The following LYZL2 variants were observed in gnomAD, a reference collection of about 807,000 sequenced individuals.
LYZL2 encodes lysozyme like 2.
Under a neutral mutation model 17.1 loss-of-function variants are expected in LYZL2, and 13 were observed. The observed-to-expected ratio is 0.76, with a 90% CI of 0.49 to 1.21. The LOEUF (loss-of-function observed/expected upper bound fraction) is 1.21, where lower values mean the gene tolerates loss of function less well. LYZL2 is among the 50% of genes most tolerant of loss of function. LYZL2 has a pLI of 0.00. For synonymous variants in LYZL2, 63 were observed against 74.4 expected, an observed-to-expected ratio of 0.85 and a Z score of 0.79; for missense variants, 166 against 189.2, an observed-to-expected ratio of 0.88 and a Z score of 0.72.
intron 1 of LYZL2, among the ~76,000 whole-genome samples, chr10:30,627,846 C>G (rs548270232): frequency 3.7e-4 from 57 of 152,280 alleles, no homozygotes; most frequent in African/African-American, 1.3e-3. Context: ...TACACGTGGA[C>G]CTGAATGGAA....
intron 3 of LYZL2, among the ~76,000 whole-genome samples, chr10:30,624,279 G>A (rs756011260): frequency 5.3e-5 from 8 of 152,146 alleles, no homozygotes; most frequent in Non-Finnish European, 1.2e-4. Flanking sequence ...GCATCAGCAG[G>A]GAAGGGACAG....
intron 1 of LYZL2, among the ~76,000 whole-genome samples, chr10:30,629,200 C>G (rs1001890607): frequency 1.1e-4 from 17 of 152,228 alleles, no homozygotes; most frequent in African/African-American, 3.9e-4. Flanking sequence ...TGAGACCAGC[C>G]TGGGCAACAA....
rs767854354 is a variant in LYZL2, at chr10:30,626,355, C to T, written c.140-92G>A. 1.9e-4 allele frequency: 290 copies of T among 1,551,410 alleles called. 3 individuals carry two copies. The highest frequency in any genetic ancestry group is 2.0e-4 in the Non-Finnish European group (227 of 1,147,990). On this transcript the variant is annotated intron_variant, in intron 2 of 4. Transcript: ENST00000647634. ...GGGCAAGTTTCCTCATCCCTGTTAC[C>T]TGACTGCTTCCTCCCAATACACCTT...
intron 3 of LYZL2, among the ~76,000 whole-genome samples, chr10:30,619,792 C>T (rs1427480759): frequency 1.3e-5 from 2 of 151,280 alleles, no homozygotes; most frequent in East Asian, 1.9e-4. Context: ...CAAAGTTGCA[C>T]GTTGTGTACA....
chr10:30,625,915 C>A (rs1490708929), intron 3 of LYZL2, among the ~76,000 whole-genome samples, 190 bp downstream of exon 3: 2 of 152,222 alleles, frequency 1.3e-5, no homozygotes, highest in Non-Finnish European at 2.9e-5. Flanking sequence ...AATAAGTCAT[C>A]TTTGGACAAG....
At position 30,611,995 on chromosome 10, in the gene LYZL2, C is replaced by G; in HGVS notation, c.407G>C (p.Arg136Thr). ...GTCTTTTTTCCAGTCGGACAGGTCTCTCCCCTCACAGTGTTTCTTCCAGCC... is the reference window on the plus strand; with the variant it reads ...GTCTTTTTTCCAGTCGGACAGGTCTGTCCCCTCACAGTGTTTCTTCCAGCC... ...WQGWKKHCEG[R>T]DLSDWKKDCE... The change falls in exon 5 of 5, where the codon AGA (arginine) becomes ACA (threonine). Residue 136 changes from arginine to threonine, a missense_variant. Around this residue, in one of 2 missense-constraint regions of LYZL2, gnomAD observed 134 missense variants for 129.4 expected, o/e 1.04. Coordinates refer to ENST00000647634, the MANE Select transcript of LYZL2 (RefSeq NM_183058.3). The G allele has an allele frequency of 2.5e-6, 4 of 1,614,192 alleles. No individual in the cohort carries two copies. Among genetic ancestry groups the G allele is most frequent in the African/African-American group, 2.7e-5 (2 of 75,030 alleles).
intron 3 of LYZL2, among the ~76,000 whole-genome samples, chr10:30,625,319 CCTT>C (rs1183816177): frequency 2.0e-5 from 3 of 152,128 alleles, no homozygotes; most frequent in Non-Finnish European, 2.9e-5. Context: ...AAGATTCTCT[CCTT>C]CTAAGGACTC....
downstream of LYZL2, among the ~76,000 whole-genome samples, chr10:30,608,640 T>A (rs370695494): frequency 7.7e-4 from 118 of 152,322 alleles, 1 homozygote; most frequent in South Asian, 0.011. Flanking sequence ...GGGCGATAGT[T>A]ACCCCTTCCG....
At chr10:30,608,480 C>T (rs1394586110), downstream of LYZL2, among the ~76,000 whole-genome samples, 1 of 152,168 alleles carries the variant, frequency 6.6e-6, no homozygotes, top group Non-Finnish European at 1.5e-5. Context: ...ATTTGAGACA[C>T]TCAAGGAAGT....
chr10:30,611,729 A>G (rs1024441955), downstream of LYZL2: 2 of 513,446 alleles, frequency 3.9e-6, no homozygotes, highest in Admixed American at 4.5e-5. Flanking sequence ...AAAGAAAAGA[A>G]AAGAAAGGAA....
intron 3 of LYZL2, among the ~76,000 whole-genome samples, 193 bp from the exon 4 acceptor site, chr10:30,613,093 A>G (rs1377774977): frequency 6.6e-6 from 1 of 152,180 alleles, no homozygotes; most frequent in Non-Finnish European, 1.5e-5. Context: ...TTGTTTTAAG[A>G]CCATCTTCAT....
At chr10:30,619,454 T>G in intron 3 of LYZL2, among the ~76,000 whole-genome samples, 1 of 152,044 alleles carries the variant, frequency 6.6e-6, no homozygotes, top group East Asian at 1.9e-4. Context: ...TAGACTGGAT[T>G]AAGAAAATGT....
At chr10:30,625,270 G>A (rs1447064045) in intron 3 of LYZL2, among the ~76,000 whole-genome samples, 1 of 152,166 alleles carries the variant, frequency 6.6e-6, no homozygotes, top group Non-Finnish European at 1.5e-5. Flanking sequence ...TCCTTTCTAA[G>A]TGAATTCAAT....
In LYZL2 at chr10:30,626,826, T is replaced by C. The variant is rs1391243497; in HGVS notation, c.90A>G (p.Ile30Met). 3 of 1,614,242 alleles carry C rather than the reference T, an allele frequency of 1.9e-6. No individual in the cohort carries two copies. Among genetic ancestry groups the C allele is most frequent in the Middle Eastern group, 3.3e-4 (2 of 6,062 alleles). Residue 30 changes from isoleucine (I) to methionine (M), a missense_variant, in exon 2 of 5, where the codon ATA (isoleucine) becomes ATG (methionine). Transcript: ENST00000647634. Reference sequence around the variant, plus strand: ...AATTGTCCAGGCCAGCCCTCGAGAATATTTTTGCCAGTTTGCAACGAGTGT... The same window carrying C: ...AATTGTCCAGGCCAGCCCTCGAGAACATTTTTGCCAGTTTGCAACGAGTGT... ...KIYTRCKLAK[I>M]FSRAGLDNYW...
At chr10:30,619,778 G>T (rs1838591605) in intron 3 of LYZL2, among the ~76,000 whole-genome samples, 1 of 151,880 alleles carries the variant, frequency 6.6e-6, no homozygotes, top group Non-Finnish European at 1.5e-5. Flanking sequence ...GTATACATAT[G>T]TAACAAAGTT....
intron 3 of LYZL2, among the ~76,000 whole-genome samples, chr10:30,613,575 T>G (rs191082734): frequency 6.6e-6 from 1 of 152,290 alleles, no homozygotes; most frequent in Non-Finnish European, 1.5e-5. Flanking sequence ...GTGTAAGGTT[T>G]CTTTACAGGT....
At position 30,626,092 on chromosome 10, in the gene LYZL2, G is replaced by A; in HGVS notation, c.298+13C>T. On this transcript the variant is annotated intron_variant, in intron 3 of 4. Coordinates refer to ENST00000647634, the MANE Select transcript of LYZL2 (RefSeq NM_183058.3). ...GTCCTGAGGATGGCATCACTGGAAA[G>A]TCAGAGCCTCACCTGAGCAGGCGAC... 6.2e-7 allele frequency: 1 copy of A among 1,611,240 alleles called. No individual in the cohort carries two copies. Among genetic ancestry groups the A allele is most frequent in the Non-Finnish European group, 8.5e-7 (1 of 1,178,208 alleles).
In LYZL2 at chr10:30,619,896, AAT is replaced by A. The variant is rs557550739; in HGVS notation, c.298+6207_298+6208del. ...GAGACAGCTCTTTCAAATACTAAAA[AAT>A]GGCATGTTGCAAGTGTTAAAAAGCT... On this transcript the variant is annotated intron_variant, in intron 3 of 4. Transcript: ENST00000647634. 2.3e-3 allele frequency among the ~76,000 whole-genome samples: 354 copies of A among 152,314 alleles called. 2 individuals are homozygous for A. The highest frequency in any genetic ancestry group is 7.6e-3 in the African/African-American group (316 of 41,576).
chr10:30,609,550 A>G (rs1023321224), downstream of LYZL2, among the ~76,000 whole-genome samples: 4 of 152,230 alleles, frequency 2.6e-5, no homozygotes, highest in Non-Finnish European at 5.9e-5. Flanking sequence ...GATGCTGGAG[A>G]TAGCAGGGGC....
Sources: gnomAD v4.1 joint callset for allele counts (sites outside exome capture counted in the v4.1 genomes callset) on GRCh38, gnomAD v4.1.1 for gene constraint, gnomAD v4.1.1 regional missense constraint, MANE v1.5 for transcripts, NCBI Gene and HGNC (gene_info 2026-07-23, HGNC 2026-07-21) for gene names.